TLN2: variants seen among roughly 807,000 people sequenced by gnomAD.
TLN2 encodes talin-2.
TLN2 carries 118 observed loss-of-function variants against 294.7 expected under a neutral mutation model. The observed-to-expected ratio is 0.40, with a 90% CI of 0.34 to 0.47. TLN2 has a LOEUF of 0.47. Among genes scored for constraint, TLN2 ranks in the 20% least tolerant of loss-of-function variants. The pLI is 0.84. For missense variants in TLN2, 3,083 were observed against 3,282.2 expected (o/e 0.94, Z 1.48); for synonymous variants, 1,431 against 1,304.5 (o/e 1.10, Z -2.09).
At chr15:62,622,739 GT>G (rs1325376771) in intron 3 of TLN2, among the ~76,000 whole-genome samples, 43 of 152,160 alleles carry the variant, frequency 2.8e-4, no homozygotes, top group Admixed American at 2.6e-4. Context: ...CATTGATTTT[GT>G]TTTGTTTTGT....
chr15:62,532,870 A>G (rs1187941091), intron 1 of TLN2, among the ~76,000 whole-genome samples: 2 of 152,116 alleles, frequency 1.3e-5, no homozygotes, highest in East Asian at 3.9e-4. Context: ...TGAGTCTGAT[A>G]ATTTTCATGT....
chr15:62,798,105 G>A (rs1323987028), intron 48 of TLN2, among the ~76,000 whole-genome samples: 2 of 152,134 alleles, frequency 1.3e-5, no homozygotes, highest in African/African-American at 2.4e-5. Context: ...GGCCTGTTCC[G>A]GTAACCATCG....
intron 1 of TLN2, among the ~76,000 whole-genome samples, chr15:62,459,930 A>G (rs1250110574): frequency 6.6e-6 from 1 of 152,130 alleles, no homozygotes; most frequent in Non-Finnish European, 1.5e-5. Context: ...AATTTTCGTG[A>G]AATAATTTAA....
intron 21 of TLN2, among the ~76,000 whole-genome samples, 163 bp downstream of exon 21, chr15:62,708,959 C>G (rs2059248733): frequency 6.6e-6 from 1 of 152,188 alleles, no homozygotes; most frequent in Non-Finnish European, 1.5e-5. Flanking sequence ...ATATAAGACT[C>G]TTCCATAGTC....
intron 2 of TLN2, among the ~76,000 whole-genome samples, chr15:62,604,207 T>G (rs2047225652): frequency 6.6e-6 from 1 of 152,094 alleles, no homozygotes. Context: ...CTTGCACATA[T>G]GAGGGAGCTG....
intron 9 of TLN2, among the ~76,000 whole-genome samples, chr15:62,673,072 T>TTGTGTGTGTCTGTG (rs1555464938): frequency 2.8e-5 from 4 of 144,798 alleles, no homozygotes; most frequent in African/African-American, 1.0e-4. Context: ...CCTAATTTAA[T>TTGTGTGTGTCTGTG]TGTGTGTGTG....
At chr15:62,835,633 C>G in intron 55 of TLN2, 104 bp from the exon 56 acceptor site, 1 of 1,299,270 alleles carries the variant, frequency 7.7e-7, no homozygotes, top group Non-Finnish European at 1.1e-6. Flanking sequence ...CAGGAGGCAC[C>G]AAGCGGGGTA....
intron 41 of TLN2, among the ~76,000 whole-genome samples, chr15:62,769,028 T>A (rs1382711809): frequency 6.6e-6 from 1 of 152,258 alleles, no homozygotes; most frequent in Non-Finnish European, 1.5e-5. Flanking sequence ...AAGTCCTTCA[T>A]GGCCCAGCCA....
At chr15:62,576,719 C>G (rs1360246596) in intron 1 of TLN2, among the ~76,000 whole-genome samples, 2 of 119,960 alleles carry the variant, frequency 1.7e-5, no homozygotes, top group Non-Finnish European at 3.2e-5. Flanking sequence ...CTCGAGAAGA[C>G]TTTGCTGTTT....
chr15:62,748,572 T>C, intron 33 of TLN2, 128 bp downstream of exon 33: 1 of 758,790 alleles, frequency 1.3e-6, no homozygotes, highest in Non-Finnish European at 2.1e-6. Flanking sequence ...TCTCTGTCCT[T>C]GCCTTTTATC....
rs768569133 is a variant in TLN2, at chr15:62,738,250, G to A, written c.3604G>A (p.Val1202Ile). ...CGTCTCACACTCCTTGAATAACTGCGTAAATTGCCTCCCTGGGCAGAAGGA... is the reference window on the plus strand; with the variant it reads ...CGTCTCACACTCCTTGAATAACTGCATAAATTGCCTCCCTGGGCAGAAGGA... ...KAVSHSLNNCVNCLPGQKDVD... is the reference protein window; with the variant it reads ...KAVSHSLNNCINCLPGQKDVD... The change falls in exon 30 of 59, where the codon GTA becomes ATA. Residue 1202 changes from valine to isoleucine, a missense_variant. Transcript: ENST00000636159. The A allele has an allele frequency of 8.7e-6, 14 of 1,614,162 alleles. No individual in the cohort carries two copies. The highest frequency in any genetic ancestry group is 3.3e-4 in the Middle Eastern group (2 of 6,062).
chr15:62,555,375 A>G (rs1160541330), intron 1 of TLN2, among the ~76,000 whole-genome samples: 1 of 152,184 alleles, frequency 6.6e-6, no homozygotes, highest in African/African-American at 2.4e-5. Flanking sequence ...TTATAGCATG[A>G]ATGAATTCTT....
intron 1 of TLN2, among the ~76,000 whole-genome samples, chr15:62,544,022 A>T (rs1390566111): frequency 1.3e-5 from 2 of 151,990 alleles, no homozygotes; most frequent in Admixed American, 1.3e-4. Context: ...ACAGACTCTG[A>T]TGTCGTCAGA....
At chr15:62,564,111 TC>T (rs2043193065) in intron 1 of TLN2, among the ~76,000 whole-genome samples, 1 of 152,204 alleles carries the variant, frequency 6.6e-6, no homozygotes, top group Non-Finnish European at 1.5e-5. Flanking sequence ...ATTGCACATG[TC>T]CTAATATAGT....
intron 1 of TLN2, among the ~76,000 whole-genome samples, chr15:62,551,165 C>T (rs1199912383): frequency 6.6e-6 from 1 of 152,002 alleles, no homozygotes; most frequent in Non-Finnish European, 1.5e-5. Context: ...TGATAGGAGG[C>T]GGATCTCAGG....
At chr15:62,721,831 G>A (rs932091345) in intron 25 of TLN2, among the ~76,000 whole-genome samples, 1 of 152,098 alleles carries the variant, frequency 6.6e-6, no homozygotes, top group African/African-American at 2.4e-5. Context: ...TAGGATATGT[G>A]AGACAAGGAG....
At chr15:62,649,719 G>T (rs771839764) in intron 4 of TLN2, among the ~76,000 whole-genome samples, 1 of 152,092 alleles carries the variant, frequency 6.6e-6, no homozygotes, top group African/African-American at 2.4e-5. Flanking sequence ...TTTCTCCCCC[G>T]CTGTCTTGTC....
At chr15:62,834,600 TG>T (rs1243655429) in intron 55 of TLN2, 1 of 152,186 alleles carries the variant, frequency 6.6e-6, no homozygotes, top group Non-Finnish European at 1.5e-5. Flanking sequence ...TAAACCATTG[TG>T]TTGTAGGTTA....
chr15:62,801,643 T>C (rs531137189), intron 50 of TLN2, among the ~76,000 whole-genome samples: 8 of 152,332 alleles, frequency 5.3e-5, no homozygotes, highest in South Asian at 4.1e-4. Flanking sequence ...CATTAAAGAA[T>C]CTAGCCTTGA....
Sources: allele counts gnomAD v4.1 joint callset (sites outside exome capture counted in the v4.1 genomes callset), GRCh38; gene constraint gnomAD v4.1.1; transcripts MANE v1.5; gene names NCBI Gene and HGNC (gene_info 2026-07-23, HGNC 2026-07-21).